The following ARHGEF7 variants were observed in gnomAD, a reference collection of about 807,000 sequenced individuals.
ARHGEF7 encodes PAK-interacting exchange factor beta.
In ARHGEF7, 33 loss-of-function variants were observed where a neutral mutation model predicts 109.8. The observed-to-expected ratio is 0.30, with a 90% CI of 0.23 to 0.40. The LOEUF (loss-of-function observed/expected upper bound fraction) is 0.40. Ranked by LOEUF, ARHGEF7 falls within the 10% of genes least tolerant of loss-of-function variation. ARHGEF7 has a pLI of 1.00. For synonymous variants in ARHGEF7, 458 were observed against 424.6 expected, an observed-to-expected ratio of 1.08 and a Z score of -0.97; for missense variants, 938 against 1,098.5, an observed-to-expected ratio of 0.85 and a Z score of 2.07.
chr13:111,231,021 A>T (rs964107549), intron 5 of ARHGEF7, among the ~76,000 whole-genome samples: 5 of 152,224 alleles, frequency 3.3e-5, no homozygotes, highest in African/African-American at 4.8e-5. Context: ...AAAATAACAC[A>T]GCTGGCAAAA....
intron 1 of ARHGEF7, among the ~76,000 whole-genome samples, chr13:111,121,430 A>C (rs1352703747): frequency 6.6e-6 from 1 of 152,254 alleles, no homozygotes; most frequent in Admixed American, 6.5e-5. Context: ...TTCAAGTACT[A>C]TGTACACACG....
chr13:111,244,022 C>G (rs2088314947), intron 7 of ARHGEF7, 56 bp downstream of exon 7: 1 of 1,434,664 alleles, frequency 7.0e-7, no homozygotes, highest in Non-Finnish European at 9.7e-7. Flanking sequence ...TTAGGCTGTT[C>G]TCTTCTATTT....
chr13:111,269,684 C>T (rs543641466), intron 9 of ARHGEF7, among the ~76,000 whole-genome samples: 3 of 152,138 alleles, frequency 2.0e-5, no homozygotes, highest in African/African-American at 4.8e-5. Flanking sequence ...AGAGCTGCGG[C>T]GAGAGGAAGG....
In ARHGEF7 at chr13:111,145,349, T is replaced by G. The variant is rs1482910662; in HGVS notation, c.166-8556T>G. Among the ~76,000 whole-genome samples the G allele has an allele frequency of 6.6e-6, 1 of 152,084 alleles. No homozygotes were observed. Among genetic ancestry groups the G allele is most frequent in the Non-Finnish European group, 1.5e-5 (1 of 68,006 alleles). Reference sequence around the variant, plus strand: ...CAGAGGTGGTTTATGAGACGATTTATGAAGTGAGGGCAGGAAGAAGGACAA... The same window carrying G: ...CAGAGGTGGTTTATGAGACGATTTAGGAAGTGAGGGCAGGAAGAAGGACAA... On this transcript the variant is annotated intron_variant, in intron 1 of 21. Coordinates refer to ENST00000646102, the MANE Select transcript of ARHGEF7 (RefSeq NM_001354046.2). The surrounding 1 kb of genome is among the most constrained non-coding windows in gnomAD (Gnocchi z 4.3).
intron 1 of ARHGEF7, among the ~76,000 whole-genome samples, chr13:111,152,798 A>C (rs1481358294): frequency 6.6e-6 from 1 of 152,238 alleles, no homozygotes; most frequent in Non-Finnish European, 1.5e-5. Context: ...TAGAGCAAAA[A>C]ACAAAATAAA....
chr13:111,250,235 G>A (rs1045923851), intron 8 of ARHGEF7, among the ~76,000 whole-genome samples: 2 of 152,144 alleles, frequency 1.3e-5, no homozygotes, highest in African/African-American at 4.8e-5. Context: ...CATTAGTAGC[G>A]GCACACTGTC....
At chr13:111,302,828 G>A (rs2093601457) in intron 21 of ARHGEF7, among the ~76,000 whole-genome samples, 163 bp from the exon 22 acceptor site, 1 of 152,206 alleles carries the variant, frequency 6.6e-6, no homozygotes. Context: ...ACCCTGTCCA[G>A]GTGTTTGACC....
At chr13:111,276,123 T>G (rs1188181809) in intron 12 of ARHGEF7, 1 of 175,046 alleles carries the variant, frequency 5.7e-6, no homozygotes, top group African/African-American at 2.3e-5. Flanking sequence ...GAGTCACAGT[T>G]TTCTTACAGG....
intron 8 of ARHGEF7, chr13:111,265,752 A>G (rs1352328522): frequency 1.5e-5 from 7 of 455,132 alleles, no homozygotes; most frequent in Middle Eastern, 4.2e-4. Flanking sequence ...TGCAGCCCTC[A>G]TGAATAGGAT....
chr13:111,240,703 G>T (rs2087617634), intron 6 of ARHGEF7, among the ~76,000 whole-genome samples: 1 of 152,206 alleles, frequency 6.6e-6, no homozygotes, highest in Non-Finnish European at 1.5e-5. Context: ...CAGTGGACAG[G>T]GAAGGGCTGA....
At chr13:111,115,052 G>A (rs1223608959), upstream of ARHGEF7, 2 of 151,268 alleles carry the variant, frequency 1.3e-5, no homozygotes, top group Non-Finnish European at 3.0e-5. Context: ...GGCGGGCCCG[G>A]GGCAGGTAAG....
intron 2 of ARHGEF7, among the ~76,000 whole-genome samples, chr13:111,194,415 T>A (rs898498121): frequency 2.0e-5 from 3 of 152,146 alleles, no homozygotes; most frequent in Non-Finnish European, 4.4e-5. Flanking sequence ...AGTCCATAGT[T>A]GGCAAAACCC....
chr13:111,154,236 C>T (rs2076117941), intron 2 of ARHGEF7, among the ~76,000 whole-genome samples: 3 of 152,248 alleles, frequency 2.0e-5, no homozygotes, highest in African/African-American at 7.2e-5. Flanking sequence ...AGACATTGCT[C>T]TCGTTCCAGT....
At chr13:111,221,055 A>C (rs935439715) in intron 5 of ARHGEF7, among the ~76,000 whole-genome samples, 1 of 147,044 alleles carries the variant, frequency 6.8e-6, no homozygotes, top group Non-Finnish European at 1.5e-5. Flanking sequence ...ATATATATAT[A>C]TCTACATATA....
At chr13:111,294,364 GT>G in intron 19 of ARHGEF7, 8 of 985,416 alleles carry the variant, frequency 8.1e-6, no homozygotes, top group Non-Finnish European at 9.6e-6. Flanking sequence ...CATGGGCTGT[GT>G]AGACCACAAC....
intron 2 of ARHGEF7, among the ~76,000 whole-genome samples, chr13:111,192,219 G>T (rs765618968): frequency 1.3e-5 from 2 of 152,068 alleles, no homozygotes; most frequent in Non-Finnish European, 2.9e-5. Context: ...TTTAACTCGG[G>T]TGTGGTGAAT....
At chr13:111,287,040 G>A (rs866678523) in intron 17 of ARHGEF7, among the ~76,000 whole-genome samples, 8 of 152,164 alleles carry the variant, frequency 5.3e-5, no homozygotes, top group Admixed American at 3.3e-4. Context: ...CCCAGCAGCC[G>A]TCCCACACGC....
In ARHGEF7 at chr13:111,174,260, C is replaced by CT. The variant is rs552514834; in HGVS notation, c.252+20270dup. Among the ~76,000 whole-genome samples the CT allele has an allele frequency of 1.1e-4, 16 of 152,344 alleles. No homozygotes were observed. In the South Asian group the frequency reaches 3.3e-3, roughly 32 times the overall value. Reference sequence around the variant, plus strand: ...ACTCTTATTTCTCAGAGCTTATACTCTAAGATCATTTACTGATTTTTACAT... The same window carrying CT: ...ACTCTTATTTCTCAGAGCTTATACTCTTAAGATCATTTACTGATTTTTACAT... On this transcript the variant is annotated intron_variant, in intron 2 of 21. Coordinates refer to ENST00000646102, the MANE Select transcript of ARHGEF7 (RefSeq NM_001354046.2).
intron 1 of ARHGEF7, among the ~76,000 whole-genome samples, chr13:111,152,180 GAATT>G (rs77264894): frequency 0.19 from 29,391 of 151,958 alleles, 3,540 homozygotes; most frequent in East Asian, 0.63. Context: ...AAAGGAGAAA[GAATT>G]AATGTCTGAC....
Sources: gnomAD v4.1 joint callset for allele counts (sites outside exome capture counted in the v4.1 genomes callset) on GRCh38, gnomAD v4.1.1 for gene constraint, Gnocchi (gnomAD v3.1) non-coding constraint, MANE v1.5 for transcripts, NCBI Gene and HGNC (gene_info 2026-07-23, HGNC 2026-07-21) for gene names.